TENM1: variants seen among roughly 807,000 people sequenced by gnomAD.
The protein encoded by TENM1 is teneurin-1.
In TENM1, 35 loss-of-function variants were observed where a neutral mutation model predicts 174.8. That is an observed-to-expected ratio of 0.20 (90% CI 0.15 to 0.27). The LOEUF is 0.27. Among genes scored for constraint, TENM1 ranks in the 10% least tolerant of loss-of-function variants. The pLI is 1.00. For synonymous variants in TENM1, 781 were observed against 798.7 expected (o/e 0.98, Z 0.37); for missense variants, 1,633 against 2,130.1 (o/e 0.77, Z 4.59).
the TENM1 span, among the ~76,000 whole-genome samples, chrX:125,139,127 T>C: frequency 8.9e-6 from 1 of 112,046 alleles, no homozygotes; most frequent in African/African-American, 3.2e-5. Context: ...CTAACATAGA[T>C]ATGGTCCTTG....
At chrX:124,704,882 A>G (rs1300816884) in intron 5 of TENM1, 131 bp downstream of exon 8, 1 of 477,165 alleles carries the variant, frequency 2.1e-6, no homozygotes, top group Non-Finnish European at 3.6e-6. Context: ...AAGAAAATCA[A>G]TTTGTTATCA....
intron 1 of TENM1, among the ~76,000 whole-genome samples, chrX:124,927,272 A>G (rs1240589540): frequency 9.0e-6 from 1 of 111,624 alleles, no homozygotes; most frequent in African/African-American, 3.3e-5. Flanking sequence ...TTTTATATTC[A>G]CAGGACCTAT....
chrX:124,641,945 T>C (rs1478402524), exon 11 of TENM1: 24 of 1,209,813 alleles, frequency 2.0e-5, no homozygotes, highest in African/African-American at 1.4e-4. Context: ...GACATTCTCC[T>C]TTTACACAGA....
At chrX:124,707,878 T>C (rs2052948712) in intron 4 of TENM1, among the ~76,000 whole-genome samples, 1 of 112,286 alleles carries the variant, frequency 8.9e-6, no homozygotes, top group Non-Finnish European at 1.9e-5. Context: ...CTTGCAACAG[T>C]GTCAAGAGCC....
chrX:124,958,940 TAG>T (rs1405724830), intron 1 of TENM1, among the ~76,000 whole-genome samples: 2 of 111,149 alleles, frequency 1.8e-5, no homozygotes, highest in Non-Finnish European at 3.8e-5. Flanking sequence ...TTTACATAAC[TAG>T]TAAACTTAAA....
At chrX:124,743,521 C>T (rs1210218547) in intron 3 of TENM1, among the ~76,000 whole-genome samples, 1 of 111,926 alleles carries the variant, frequency 8.9e-6, no homozygotes, top group East Asian at 2.8e-4. Flanking sequence ...GGAGAACAGT[C>T]ACAGAGGCTC....
At chrX:124,972,499 A>T in the TENM1 span, among the ~76,000 whole-genome samples, 3 of 111,864 alleles carry the variant, frequency 2.7e-5, no homozygotes, top group South Asian at 1.1e-3. Context: ...TGCTTGATTG[A>T]CTTCATTTAG....
At chrX:124,566,018 G>A (rs953188968) in intron 11 of TENM1, among the ~76,000 whole-genome samples, 1 of 111,520 alleles carries the variant, frequency 9.0e-6, no homozygotes, top group Admixed American at 9.6e-5. Flanking sequence ...ACAAACAAAT[G>A]CCAAGTGGGT....
At chrX:124,960,239 A>G (rs1306324356) in intron 1 of TENM1, among the ~76,000 whole-genome samples, 1 of 112,005 alleles carries the variant, frequency 8.9e-6, no homozygotes, top group Non-Finnish European at 1.9e-5. Flanking sequence ...GCACTTGCTT[A>G]TCTGCTCTCT....
At position 124,485,508 on chromosome X, in the gene TENM1, CT is replaced by C. The variant is rs757403906; in HGVS notation, c.3716+1700del. ...GAAAAAAGAAGGGGTCAAAACCCTT[CT>C]TTGAAACAACTACAATATTTTGATA... is the stretch of plus-strand genomic sequence containing the variant. On this transcript the variant is annotated intron_variant, in intron 21 of 31. Transcript: ENST00000422452. Among the ~76,000 whole-genome samples the C allele has an allele frequency of 3.9e-3, 441 of 111,716 alleles. 3 individuals are homozygous for C. Among genetic ancestry groups the C allele is most frequent in the African/African-American group, 0.013 (399 of 30,752 alleles).
intron 3 of TENM1, among the ~76,000 whole-genome samples, chrX:124,826,681 G>T (rs1230633487): frequency 9.0e-6 from 1 of 111,632 alleles, no homozygotes; most frequent in Non-Finnish European, 1.9e-5. Flanking sequence ...TTTCTGGGTT[G>T]TGACAGAATA....
intron 11 of TENM1, among the ~76,000 whole-genome samples, chrX:124,612,507 G>T (rs2050300277): frequency 9.0e-6 from 1 of 111,136 alleles, no homozygotes; most frequent in South Asian, 3.8e-4. Context: ...ATTAAACCTA[G>T]AATTCTCCTT....
the TENM1 span, among the ~76,000 whole-genome samples, chrX:125,158,787 T>A: frequency 8.9e-6 from 1 of 111,778 alleles, no homozygotes. Flanking sequence ...TTTAAGACAC[T>A]GACTAAATGG....
chrX:125,194,244 C>G, the TENM1 span, among the ~76,000 whole-genome samples: 1 of 111,509 alleles, frequency 9.0e-6, no homozygotes, highest in Admixed American at 9.5e-5. Context: ...TTTCCCAAGA[C>G]AAAAGCCTCA....
intron 4 of TENM1, among the ~76,000 whole-genome samples, chrX:124,735,861 A>T (rs1480673826): frequency 8.9e-6 from 1 of 112,054 alleles, no homozygotes. Flanking sequence ...GTTCTCACTT[A>T]TAACTGGGAG....
chrX:125,140,119 T>C, the TENM1 span, among the ~76,000 whole-genome samples: 1 of 111,729 alleles, frequency 9.0e-6, no homozygotes, highest in African/African-American at 3.3e-5. Context: ...TTCTACCACT[T>C]GTACATGTAA....
chrX:124,546,018 T>G (rs12006619), intron 15 of TENM1, among the ~76,000 whole-genome samples: 7,608 of 111,959 alleles, frequency 0.068, 370 homozygotes, highest in South Asian at 0.19. Flanking sequence ...GGAGTTGTAA[T>G]TTTCTTAGAT....
chrX:124,737,716 C>G (rs2053707331), intron 3 of TENM1, among the ~76,000 whole-genome samples: 1 of 112,485 alleles, frequency 8.9e-6, no homozygotes, highest in Non-Finnish European at 1.9e-5. Context: ...AGAAAAACAG[C>G]TCACGAGTGT....
At chrX:124,527,802 C>T (rs1365347105) in intron 16 of TENM1, among the ~76,000 whole-genome samples, 8 of 103,566 alleles carry the variant, frequency 7.7e-5, no homozygotes, top group Non-Finnish European at 1.6e-4. Context: ...GCGCCCGCCA[C>T]CACGCCCAGC....
Sources: allele counts gnomAD v4.1 joint callset (sites outside exome capture counted in the v4.1 genomes callset), GRCh38; gene constraint gnomAD v4.1.1; transcripts MANE v1.5; gene names NCBI Gene and HGNC (gene_info 2026-07-23, HGNC 2026-07-21).